Variants in GALNT10 observed in about 807,000 individuals in gnomAD.
The protein encoded by GALNT10 is GalNAc transferase 10.
GALNT10 carries 41 observed loss-of-function variants against 75.0 expected under a neutral mutation model. The observed-to-expected ratio is 0.55, with a 90% CI of 0.43 to 0.71. GALNT10 has a LOEUF of 0.71. Ranked by LOEUF, GALNT10 falls within the 30% of genes least tolerant of loss-of-function variation. GALNT10 has a pLI of 0.00. For missense variants in GALNT10, 727 were observed against 818.5 expected, an observed-to-expected ratio of 0.89 and a Z score of 1.36; for synonymous variants, 302 against 313.0, an observed-to-expected ratio of 0.96 and a Z score of 0.37.
At chr5:154,288,564 AT>A (rs1213155580) in intron 1 of GALNT10, among the ~76,000 whole-genome samples, 1 of 148,848 alleles carries the variant, frequency 6.7e-6, no homozygotes, top group Non-Finnish European at 1.5e-5. Context: ...TGATTTCCAC[AT>A]TGATTCTGCC....
intron 3 of GALNT10, among the ~76,000 whole-genome samples, chr5:154,323,611 A>G (rs1212167148): frequency 6.6e-6 from 1 of 152,224 alleles, no homozygotes; most frequent in African/African-American, 2.4e-5. Context: ...TAGCGGGGGC[A>G]GGTATGGACA....
intron 1 of GALNT10, among the ~76,000 whole-genome samples, chr5:154,199,314 C>T (rs535948851): frequency 6.6e-6 from 1 of 152,250 alleles, no homozygotes; most frequent in South Asian, 2.1e-4. Flanking sequence ...CCTCTCCACC[C>T]ACCTGACAGG....
Position 154,192,742 on chromosome 5 carries a change from A to C in GALNT10, c.159+1717A>C, listed in dbSNP as rs528589875. Among the ~76,000 whole-genome samples the C allele has an allele frequency of 3.9e-5, 6 of 152,280 alleles. No individual in the cohort carries two copies. In the East Asian group the frequency reaches 1.2e-3, roughly 29 times the overall value. On this transcript the variant is annotated intron_variant, in intron 1 of 11. Transcript: ENST00000297107. The stretch of plus-strand genomic sequence containing the variant: ...CCATACTGGACACAGCTCCAGGTCA[A>C]GGGGGAGTGTCCTACCCTAGTGCAA...
intron 3 of GALNT10, among the ~76,000 whole-genome samples, chr5:154,307,339 G>A (rs539687293): frequency 1.3e-5 from 2 of 152,296 alleles, no homozygotes; most frequent in East Asian, 3.9e-4. Flanking sequence ...GCCGGGTGTG[G>A]TGGTTCACGC....
At chr5:154,235,134 T>G (rs1384564269) in intron 1 of GALNT10, among the ~76,000 whole-genome samples, 1 of 152,216 alleles carries the variant, frequency 6.6e-6, no homozygotes, top group East Asian at 1.9e-4. Flanking sequence ...TTCCCTAGAC[T>G]TCTGGCAATG....
intron 1 of GALNT10, among the ~76,000 whole-genome samples, chr5:154,251,523 C>G (rs1436564865): frequency 6.6e-6 from 1 of 152,184 alleles, no homozygotes; most frequent in Non-Finnish European, 1.5e-5. Context: ...CTTGGTCAGA[C>G]TGGCATTGAC....
At chr5:154,248,223 T>C (rs945669540) in intron 1 of GALNT10, among the ~76,000 whole-genome samples, 3 of 152,368 alleles carry the variant, frequency 2.0e-5, no homozygotes, top group East Asian at 1.9e-4. Context: ...CAGTATTTTA[T>C]TGAGGATTTT....
chr5:154,408,350 A>G (rs998790126), intron 8 of GALNT10, among the ~76,000 whole-genome samples: 3 of 152,194 alleles, frequency 2.0e-5, no homozygotes, highest in African/African-American at 7.2e-5. Flanking sequence ...TTAGATTGCA[A>G]TAGGGAAAAA....
At chr5:154,290,648 C>G (rs1486506466) in intron 1 of GALNT10, among the ~76,000 whole-genome samples, 1 of 152,122 alleles carries the variant, frequency 6.6e-6, no homozygotes, top group Non-Finnish European at 1.5e-5. Flanking sequence ...TCTGAAAGTA[C>G]CTTTGGGCAG....
chr5:154,403,008 C>T (rs1756200979), intron 7 of GALNT10: 2 of 152,366 alleles, frequency 1.3e-5, no homozygotes, highest in African/African-American at 2.4e-5. Context: ...GGGGCCTCGG[C>T]TGACTGATTC....
At chr5:154,250,165 GC>G (rs1183375821) in intron 1 of GALNT10, among the ~76,000 whole-genome samples, 7 of 152,316 alleles carry the variant, frequency 4.6e-5, no homozygotes, top group African/African-American at 1.7e-4. Context: ...GGCTGCTGCA[GC>G]CCCCTATGTG....
intron 1 of GALNT10, among the ~76,000 whole-genome samples, chr5:154,194,419 C>G (rs1323519769): frequency 6.6e-6 from 1 of 152,172 alleles, no homozygotes; most frequent in East Asian, 1.9e-4. Context: ...TATCCTTTAG[C>G]TTGCTAATCA....
At chr5:154,256,335 A>G (rs191849151) in intron 1 of GALNT10, among the ~76,000 whole-genome samples, 66 of 130,892 alleles carry the variant, frequency 5.0e-4, no homozygotes, top group Non-Finnish European at 8.8e-4. Context: ...GGATTTTTAA[A>G]CAGAGGCTGT....
chr5:154,306,801 C>T (rs1754441717), intron 3 of GALNT10, among the ~76,000 whole-genome samples: 1 of 152,034 alleles, frequency 6.6e-6, no homozygotes, highest in Non-Finnish European at 1.5e-5. Context: ...GATTTCAACA[C>T]CTCTGTCTCA....
chr5:154,378,822 T>TCAGCCAG (rs1403964078), intron 5 of GALNT10, among the ~76,000 whole-genome samples: 3 of 152,170 alleles, frequency 2.0e-5, no homozygotes, highest in Non-Finnish European at 4.4e-5. Context: ...CCTCCCACAA[T>TCAGCCAG]CAGCCAGCAG....
chr5:154,223,637 A>G (rs2113657364), intron 1 of GALNT10, among the ~76,000 whole-genome samples: 1 of 152,316 alleles, frequency 6.6e-6, no homozygotes, highest in East Asian at 1.9e-4. Context: ...TGGAGGGAGC[A>G]GGCCGGGTGC....
intron 4 of GALNT10, among the ~76,000 whole-genome samples, chr5:154,359,312 G>A (rs965904195): frequency 6.6e-6 from 1 of 152,130 alleles, no homozygotes; most frequent in Non-Finnish European, 1.5e-5. Context: ...GGGCAGGAGT[G>A]TTTGACCCTA....
At chr5:154,217,826 T>A (rs1377498682) in intron 1 of GALNT10, among the ~76,000 whole-genome samples, 1 of 152,228 alleles carries the variant, frequency 6.6e-6, no homozygotes, top group African/African-American at 2.4e-5. Flanking sequence ...ATTGGGAGAC[T>A]GTATGGAGAG....
chr5:154,396,368 TAGG>T (rs757631273), intron 7 of GALNT10, among the ~76,000 whole-genome samples: 2 of 151,814 alleles, frequency 1.3e-5, no homozygotes, highest in Admixed American at 6.6e-5. Context: ...ATGGAGAGGG[TAGG>T]AGGTGATAGG....
Sources: gnomAD v4.1 joint callset for allele counts (sites outside exome capture counted in the v4.1 genomes callset) on GRCh38, gnomAD v4.1.1 for gene constraint, MANE v1.5 for transcripts, NCBI Gene and HGNC (gene_info 2026-07-23, HGNC 2026-07-21) for gene names.